UPP1: variants seen among roughly 807,000 people sequenced by gnomAD.
UPP1 encodes the protein uridine phosphorylase 1, also known as UPase 1.
A neutral mutation model predicts 29.6 loss-of-function variants in UPP1; 25 were observed. The observed-to-expected ratio is 0.85, with a 90% CI of 0.62 to 1.18. The LOEUF is 1.18. UPP1 is among the 50% of genes most tolerant of loss of function. The probability of loss-of-function intolerance (pLI) is 0.00; values close to 1 mark genes in which losing one functional copy is unlikely to be tolerated. For missense variants in UPP1, 368 were observed against 410.4 expected (o/e 0.90, Z 0.89); for synonymous variants, 165 against 159.8 (o/e 1.03, Z -0.25).
chr7:48,098,334 TTGA>T (rs1326296478), intron 3 of UPP1, among the ~76,000 whole-genome samples: 1 of 152,176 alleles, frequency 6.6e-6, no homozygotes, highest in Non-Finnish European at 1.5e-5. Context: ...GTGTCTGCTG[TTGA>T]TGAGTGCCAG....
intron 2 of UPP1, among the ~76,000 whole-genome samples, chr7:48,093,719 A>ACGG (rs373279757): frequency 5.3e-5 from 8 of 152,188 alleles, no homozygotes; most frequent in African/African-American, 1.9e-4. Flanking sequence ...TGCAGTGGAG[A>ACGG]CGGGGCCGTG....
intron 2 of UPP1, among the ~76,000 whole-genome samples, chr7:48,092,332 C>T (rs1317867535): frequency 2.6e-5 from 4 of 152,108 alleles, no homozygotes; most frequent in Non-Finnish European, 4.4e-5. Context: ...CTTAATGGAT[C>T]CTGAAGAAGG....
At chr7:48,102,031 C>T in intron 5 of UPP1, 49 bp downstream of exon 5, 1 of 1,584,240 alleles carries the variant, frequency 6.3e-7, no homozygotes, top group Non-Finnish European at 8.6e-7. Context: ...CTGCAACCCC[C>T]TGTGCCCCAC....
chr7:48,099,515 G>A (rs1161498636), intron 3 of UPP1, among the ~76,000 whole-genome samples, 155 bp from the exon 4 acceptor site: 1 of 152,152 alleles, frequency 6.6e-6, no homozygotes, highest in Non-Finnish European at 1.5e-5. Context: ...AGGCAAGTGC[G>A]GACCTTGGCA....
chr7:48,096,270 G>A (rs1194186991), intron 3 of UPP1, among the ~76,000 whole-genome samples: 2 of 152,246 alleles, frequency 1.3e-5, no homozygotes, highest in Non-Finnish European at 2.9e-5. Context: ...GCAGTCAGGT[G>A]TAGAGCTCAG....
intron 3 of UPP1, among the ~76,000 whole-genome samples, chr7:48,098,582 G>A (rs76395870): frequency 0.025 from 3,826 of 152,254 alleles, 177 homozygotes; most frequent in African/African-American, 0.087. Flanking sequence ...ATGTCTGTGA[G>A]GGGGGTGCAT....
intron 3 of UPP1, 65 bp downstream of exon 3, chr7:48,094,892 T>C: frequency 6.4e-7 from 1 of 1,562,450 alleles, no homozygotes; most frequent in East Asian, 2.3e-5. Flanking sequence ...GCATATGTTG[T>C]GCCACACATT....
chr7:48,094,441 CATG>C (rs1405392296), intron 2 of UPP1, among the ~76,000 whole-genome samples: 4 of 152,258 alleles, frequency 2.6e-5, no homozygotes, highest in African/African-American at 9.6e-5. Context: ...GTCTTGAACT[CATG>C]ATCTCCACCC....
intron 6 of UPP1, chr7:48,104,126 G>A: frequency 4.2e-6 from 1 of 236,980 alleles, no homozygotes; most frequent in South Asian, 5.9e-5. Flanking sequence ...GCTGAGGCAG[G>A]AGAATCGCTT....
At chr7:48,107,900 C>T (rs565566501) in intron 8 of UPP1, among the ~76,000 whole-genome samples, 12 of 152,234 alleles carry the variant, frequency 7.9e-5, no homozygotes, top group African/African-American at 1.7e-4. Context: ...CTTATCACCT[C>T]GGCCAAAACG....
chr7:48,090,321 C>G lies in UPP1; in HGVS notation c.-65C>G, dbSNP rs1179037024. Reference sequence around the variant, plus strand: ...ACTGCCTGGAACGCCTGGAGCGCCTCCCACTGCAGACGTCTGTCCGCCTCC... The same window carrying G: ...ACTGCCTGGAACGCCTGGAGCGCCTGCCACTGCAGACGTCTGTCCGCCTCC... On this transcript the variant is annotated 5_prime_UTR_variant, in exon 2 of 9. Transcript: ENST00000395564. The G allele has an allele frequency of 6.6e-6, 1 of 152,280 alleles. No homozygotes were observed. Among genetic ancestry groups the G allele is most frequent in the Non-Finnish European group, 1.5e-5 (1 of 68,074 alleles). 9.4% of individuals were successfully genotyped at this position (152,280 alleles called of 1,614,324 possible).
intron 4 of UPP1, among the ~76,000 whole-genome samples, chr7:48,100,861 T>C (rs1792379612): frequency 6.6e-6 from 1 of 152,208 alleles, no homozygotes; most frequent in South Asian, 2.1e-4. Flanking sequence ...TGGAATTTTC[T>C]TTTTTATGTT....
intron 3 of UPP1, among the ~76,000 whole-genome samples, chr7:48,099,228 T>C (rs995813762): frequency 1.3e-5 from 2 of 152,228 alleles, no homozygotes; most frequent in Non-Finnish European, 2.9e-5. Context: ...GGAAAGGTTA[T>C]CTCTGGGAGG....
At chr7:48,108,153 A>G in intron 8 of UPP1, 65 bp from the exon 9 acceptor site, 1 of 1,571,800 alleles carries the variant, frequency 6.4e-7, no homozygotes, top group South Asian at 1.2e-5. Context: ...TGGGTTCTTC[A>G]TCCCGTCCCT....
intron 4 of UPP1, 23 bp downstream of exon 4, chr7:48,099,810 C>T: frequency 6.5e-7 from 1 of 1,542,548 alleles, no homozygotes; most frequent in Non-Finnish European, 9.0e-7. Context: ...GTGTTGACAC[C>T]TTGGAATTTG....
chr7:48,096,267 G>A (rs1017118104), intron 3 of UPP1, among the ~76,000 whole-genome samples: 1 of 152,220 alleles, frequency 6.6e-6, no homozygotes, highest in Non-Finnish European at 1.5e-5. Flanking sequence ...AAGGCAGTCA[G>A]GTGTAGAGCT....
At position 48,103,826 on chromosome 7, in the gene UPP1, G is replaced by T. The variant is rs766474672; in HGVS notation, c.436+415G>T. 1.5e-5 allele frequency: 19 copies of T among 1,290,016 alleles called. No individual in the cohort carries two copies. In the Admixed American group the frequency reaches 1.6e-4, roughly 11 times the overall value. The allele number at this position is 1,290,016 out of a possible 1,614,324, so 79.9% of individuals were successfully genotyped here. Reference sequence around the variant, plus strand: ...GAGAAAAGACACAGGAAAATCAAAGGGGGGAAGAGAGAGGCGCAGTACAAA... The same window carrying T: ...GAGAAAAGACACAGGAAAATCAAAGTGGGGAAGAGAGAGGCGCAGTACAAA... On this transcript the variant is annotated intron_variant, in intron 6 of 8. Coordinates refer to ENST00000395564, the MANE Select transcript of UPP1 (RefSeq NM_003364.4).
chr7:48,103,201 G>T, intron 5 of UPP1, 96 bp from the exon 6 acceptor site: 1 of 856,486 alleles, frequency 1.2e-6, no homozygotes, highest in Non-Finnish European at 2.0e-6. Flanking sequence ...TATGTCAATG[G>T]GCATGTTAGA....
intron 6 of UPP1, 61 bp from the exon 7 acceptor site, chr7:48,106,812 C>T (rs1272911615): frequency 3.2e-6 from 5 of 1,547,400 alleles, no homozygotes; most frequent in African/African-American, 1.4e-5. Context: ...CCCTGGCTGC[C>T]CTGCTTTAAT....
Sources: allele counts gnomAD v4.1 joint callset (sites outside exome capture counted in the v4.1 genomes callset), GRCh38; gene constraint gnomAD v4.1.1; transcripts MANE v1.5; gene names NCBI Gene and HGNC (gene_info 2026-07-23, HGNC 2026-07-21).